Variants in SPACA7 observed in about 807,000 individuals in gnomAD.
The protein encoded by SPACA7 is sperm acrosome associated 7, also known as sperm acrosome-associated protein 7.
In SPACA7, 19 loss-of-function variants were observed where a neutral mutation model predicts 26.3. That is an observed-to-expected ratio of 0.72 (90% CI 0.50 to 1.06). The LOEUF (loss-of-function observed/expected upper bound fraction) is 1.06, where lower values mean the gene tolerates loss of function less well. Ranked by LOEUF, SPACA7 falls within the 50% of genes least tolerant of loss-of-function variation. The pLI is 0.00. For synonymous variants in SPACA7, 84 were observed against 84.5 expected (o/e 0.99, Z 0.04); for missense variants, 211 against 229.9 (o/e 0.92, Z 0.53).
intron 6 of SPACA7, among the ~76,000 whole-genome samples, chr13:112,433,558 C>T (rs1877408998): frequency 2.6e-5 from 4 of 151,684 alleles, no homozygotes; most frequent in Admixed American, 2.6e-4. Flanking sequence ...TGTCCACAAG[C>T]GTGGGAAGCC....
chr13:112,404,074 A>G (rs1297580632), intron 5 of SPACA7, among the ~76,000 whole-genome samples: 1 of 152,060 alleles, frequency 6.6e-6, no homozygotes, highest in Non-Finnish European at 1.5e-5. Context: ...TACCACATCC[A>G]CATCACCATC....
intron 6 of SPACA7, among the ~76,000 whole-genome samples, chr13:112,434,035 C>T (rs534717360): frequency 5.3e-5 from 8 of 152,280 alleles, no homozygotes; most frequent in African/African-American, 1.9e-4. Flanking sequence ...TCACCAGCAC[C>T]TCTAGGTGTG....
At chr13:112,383,075 A>G (rs57437416) in intron 1 of SPACA7, among the ~76,000 whole-genome samples, 133 of 131,852 alleles carry the variant, frequency 1.0e-3, no homozygotes, top group African/African-American at 3.4e-3. Context: ...AGAAAGAGAA[A>G]GAAAGAAAAA....
chr13:112,422,627 A>G (rs561496472), intron 5 of SPACA7, among the ~76,000 whole-genome samples: 1 of 152,360 alleles, frequency 6.6e-6, no homozygotes, highest in African/African-American at 2.4e-5. Flanking sequence ...CCAGAAATCA[A>G]TAATAGAAAA....
chr13:112,377,145 G>T (rs754128117), intron 1 of SPACA7, among the ~76,000 whole-genome samples: 1 of 152,148 alleles, frequency 6.6e-6, no homozygotes, highest in Admixed American at 6.5e-5. Context: ...ATTGCTAAAA[G>T]GTAGGAGAAT....
rs938915040 is a variant in SPACA7 at position 112,434,643 on chromosome 13, C to A, written c.*94C>A. The A allele has an allele frequency of 3.0e-6, 3 of 998,742 alleles. No homozygotes were observed. Among genetic ancestry groups the A allele is most frequent in the Admixed American group, 2.1e-5 (1 of 47,766 alleles). The allele number at this position is 998,742 out of a possible 1,614,324, so 61.9% of individuals were successfully genotyped here. A position where few individuals can be genotyped will look rare whatever the true frequency, so the allele number is the denominator to read the frequency against. ...CAGGGCACTTGTGTGCACACGCCCA[C>A]GTTCTCTGAACCATTCCACATAAAG... is the stretch of plus-strand genomic sequence containing the variant. On this transcript the variant is annotated 3_prime_UTR_variant, in exon 7 of 7. Coordinates refer to ENST00000283550, the MANE Select transcript of SPACA7 (RefSeq NM_145248.5).
chr13:112,399,948 A>C (rs1027737363), intron 4 of SPACA7, among the ~76,000 whole-genome samples: 29 of 152,160 alleles, frequency 1.9e-4, no homozygotes, highest in Non-Finnish European at 4.0e-4. Flanking sequence ...ACTTATAACC[A>C]GACCTCATGA....
intron 1 of SPACA7, among the ~76,000 whole-genome samples, chr13:112,392,334 A>G (rs1884943930): frequency 6.6e-6 from 1 of 152,178 alleles, no homozygotes; most frequent in Non-Finnish European, 1.5e-5. Context: ...ACAGGTCAGG[A>G]GGCCACGGGG....
chr13:112,417,487 T>C (rs1285091383), intron 5 of SPACA7, among the ~76,000 whole-genome samples: 2 of 151,158 alleles, frequency 1.3e-5, no homozygotes, highest in Non-Finnish European at 2.9e-5. Context: ...TATCCTCTGA[T>C]ATTTTTGGTT....
chr13:112,401,649 T>G (rs888912937), intron 5 of SPACA7, among the ~76,000 whole-genome samples: 3 of 152,226 alleles, frequency 2.0e-5, no homozygotes, highest in Non-Finnish European at 4.4e-5. Flanking sequence ...CTTTTGACTT[T>G]CTGAGTTAGA....
chr13:112,388,266 G>C (rs1335960819), intron 1 of SPACA7, among the ~76,000 whole-genome samples: 3 of 152,104 alleles, frequency 2.0e-5, no homozygotes, highest in Non-Finnish European at 4.4e-5. Flanking sequence ...TCCTGAGTGA[G>C]AAGTCTCCCA....
At chr13:112,392,230 A>G (rs1409276) in intron 1 of SPACA7, among the ~76,000 whole-genome samples, 16,764 of 152,094 alleles carry the variant, frequency 0.11, 2,184 homozygotes, top group African/African-American at 0.31. Flanking sequence ...ACTACTGGGA[A>G]GGGGCTAACA....
chr13:112,418,451 A>G (rs957169850), intron 5 of SPACA7, among the ~76,000 whole-genome samples: 1 of 152,072 alleles, frequency 6.6e-6, no homozygotes, highest in African/African-American at 2.4e-5. Flanking sequence ...ATAAAAAACC[A>G]TCTACCAGCA....
intron 5 of SPACA7, among the ~76,000 whole-genome samples, chr13:112,420,145 C>T (rs1172092762): frequency 2.0e-5 from 3 of 152,122 alleles, no homozygotes; most frequent in East Asian, 1.9e-4. Flanking sequence ...ATACAGTTTA[C>T]GTCAATCTCT....
chr13:112,423,329 T>A (rs1566486984), intron 5 of SPACA7, among the ~76,000 whole-genome samples: 1 of 152,168 alleles, frequency 6.6e-6, no homozygotes, highest in Non-Finnish European at 1.5e-5. Context: ...CATTAAATGC[T>A]TATGCTAAAA....
intron 5 of SPACA7, among the ~76,000 whole-genome samples, chr13:112,430,235 T>C (rs1488073978): frequency 6.6e-6 from 1 of 150,938 alleles, no homozygotes; most frequent in Non-Finnish European, 1.5e-5. Context: ...GAACTCTAGC[T>C]ACTGTGACTT....
At chr13:112,383,540 A>G (rs1333964310) in intron 1 of SPACA7, among the ~76,000 whole-genome samples, 1 of 152,260 alleles carries the variant, frequency 6.6e-6, no homozygotes, top group Non-Finnish European at 1.5e-5. Flanking sequence ...TGTTCCATGA[A>G]GAATTTTAGA....
At chr13:112,389,441 C>T (rs931825907) in intron 1 of SPACA7, among the ~76,000 whole-genome samples, 2 of 152,272 alleles carry the variant, frequency 1.3e-5, no homozygotes, top group Admixed American at 6.5e-5. Context: ...ATTCCAAAGA[C>T]AAACTGTCTT....
At chr13:112,388,323 G>A (rs554585522) in intron 1 of SPACA7, among the ~76,000 whole-genome samples, 5 of 152,256 alleles carry the variant, frequency 3.3e-5, no homozygotes, top group South Asian at 2.1e-4. Context: ...CGAGACCCCC[G>A]AGGAGCCAAA....
Sources: allele counts gnomAD v4.1 joint callset (sites outside exome capture counted in the v4.1 genomes callset), GRCh38; gene constraint gnomAD v4.1.1; transcripts MANE v1.5; gene names NCBI Gene and HGNC (gene_info 2026-07-23, HGNC 2026-07-21).